PGAP1: variants seen among roughly 807,000 people sequenced by gnomAD.
PGAP1 encodes the protein GPI inositol-deacylase.
PGAP1 carries 76 observed loss-of-function variants against 127.0 expected under a neutral mutation model. That is an observed-to-expected ratio of 0.60 (90% CI 0.50 to 0.72). The LOEUF (loss-of-function observed/expected upper bound fraction) is 0.72, where lower values mean the gene tolerates loss of function less well. Ranked by LOEUF, PGAP1 falls within the 30% of genes least tolerant of loss-of-function variation. PGAP1 has a pLI of 0.00. For missense variants in PGAP1, 982 were observed against 1,071.3 expected (o/e 0.92, Z 1.16); for synonymous variants, 362 against 366.5 (o/e 0.99, Z 0.14).
At chr2:196,855,597 T>C (rs1226594448) in intron 20 of PGAP1, among the ~76,000 whole-genome samples, 1 of 152,180 alleles carries the variant, frequency 6.6e-6, no homozygotes, top group Non-Finnish European at 1.5e-5. Context: ...AAATGTTGGT[T>C]CTTCACTTAA....
chr2:196,899,861 G>T (rs761547368), intron 5 of PGAP1, among the ~76,000 whole-genome samples: 3 of 152,004 alleles, frequency 2.0e-5, no homozygotes, highest in African/African-American at 7.2e-5. Flanking sequence ...TGGTGAAACC[G>T]CATCTCTACT....
chr2:196,905,215 A>G (rs1431542498), intron 4 of PGAP1, among the ~76,000 whole-genome samples: 1 of 152,160 alleles, frequency 6.6e-6, no homozygotes, highest in African/African-American at 2.4e-5. Context: ...TTTAATCTAT[A>G]CGGGTCATCT....
At position 196,845,937 on chromosome 2, in the gene PGAP1, CAACT is replaced by C; in HGVS notation, c.2227_2230del (p.Ser743GlyfsTer7). The C allele has an allele frequency of 1.2e-6, 2 of 1,608,348 alleles. No individual in the cohort carries two copies. Among genetic ancestry groups the C allele is most frequent in the South Asian group, 1.1e-5 (1 of 90,024 alleles). ...TATGGCTAGTGCTCCACAAGTTGTCCAACTAACTATGATCAAGACAATTGTCAAA... is the reference window on the plus strand; with the variant it reads ...TATGGCTAGTGCTCCACAAGTTGTCCAACTATGATCAAGACAATTGTCAAA... On this transcript the variant is annotated frameshift_variant, in exon 23 of 27. Transcript: ENST00000354764. LOFTEE classifies it high-confidence loss of function.
At position 196,898,021 on chromosome 2, in the gene PGAP1, C is replaced by T. The variant is rs191353713; in HGVS notation, c.860+296G>A. 4.6e-4 allele frequency among the ~76,000 whole-genome samples: 70 copies of T among 152,238 alleles called. 1 individual carries two copies. Among genetic ancestry groups the T allele is most frequent in the Non-Finnish European group, 7.9e-4 (54 of 68,014 alleles). On this transcript the variant is annotated intron_variant, in intron 6 of 26. Transcript: ENST00000354764. Reference sequence around the variant, plus strand: ...TCACCTGAGGTCAGGAGTTTGAGACCGGCCTGGCCAGCATGGTGAAACCTC... The same window carrying T: ...TCACCTGAGGTCAGGAGTTTGAGACTGGCCTGGCCAGCATGGTGAAACCTC...
At chr2:196,850,122 CT>C (rs1700674723) in intron 20 of PGAP1, among the ~76,000 whole-genome samples, 2 of 152,202 alleles carry the variant, frequency 1.3e-5, no homozygotes, top group Admixed American at 1.3e-4. Context: ...GCACCCAAGG[CT>C]ACAGCTCCAG....
intron 16 of PGAP1, among the ~76,000 whole-genome samples, chr2:196,873,308 A>T (rs907006938): frequency 6.6e-6 from 1 of 152,110 alleles, no homozygotes; most frequent in Non-Finnish European, 1.5e-5. Context: ...TGGCATTTTT[A>T]AAATGTGGAT....
intron 19 of PGAP1, among the ~76,000 whole-genome samples, chr2:196,866,866 A>G (rs1701259481): frequency 2.6e-5 from 4 of 152,262 alleles, no homozygotes; most frequent in Admixed American, 2.6e-4. Flanking sequence ...AACATATGAA[A>G]AAAATCATCG....
In PGAP1 at chr2:196,872,982, C is replaced by G; in HGVS notation, c.1597G>C (p.Glu533Gln). 1 of 1,076,884 alleles carries G rather than the reference C, an allele frequency of 9.3e-7. No individual in the cohort carries two copies. The highest frequency in any genetic ancestry group is 1.6e-5 in the African/African-American group (1 of 60,808). The allele number at this position is 1,076,884 out of a possible 1,614,324, so 66.7% of individuals were successfully genotyped here. ...IYRLHIPWSYEDSLTIAQAPS... is the reference protein window; with the variant it reads ...IYRLHIPWSYQDSLTIAQAPS... ...TACTGTGCAATGGTTAGTGAATCTT[C>G]ATAAGACCAAGGAATATGAAGTCTA... Residue 533 changes from glutamate to glutamine, a missense_variant, in exon 17 of 27, where the codon GAA (glutamate) becomes CAA (glutamine). Physicochemically the swap from Glu to Gln is conservative, Grantham distance 29 (BLOSUM62 2). Coordinates refer to ENST00000354764, the MANE Select transcript of PGAP1 (RefSeq NM_024989.4).
intron 4 of PGAP1, among the ~76,000 whole-genome samples, chr2:196,912,272 A>C (rs1702848260): frequency 6.6e-6 from 1 of 152,212 alleles, no homozygotes; most frequent in African/African-American, 2.4e-5. Context: ...TTTTGGATAC[A>C]GTCCTAAAAC....
intron 7 of PGAP1, among the ~76,000 whole-genome samples, chr2:196,896,162 T>C (rs1702260690): frequency 6.6e-6 from 1 of 152,226 alleles, no homozygotes; most frequent in African/African-American, 2.4e-5. Flanking sequence ...GATACTATGA[T>C]TTCCATATGT....
At chr2:196,873,058 C>T in intron 16 of PGAP1, 32 bp from the exon 17 acceptor site, 2 of 655,388 alleles carry the variant, frequency 3.1e-6, no homozygotes, top group Admixed American at 5.6e-5. Context: ...GTATTATTAA[C>T]AACATGTTAC....
chr2:196,850,231 C>T (rs1039309355), intron 20 of PGAP1, among the ~76,000 whole-genome samples: 2 of 152,278 alleles, frequency 1.3e-5, no homozygotes, highest in Non-Finnish European at 2.9e-5. Context: ...AGCATCTTAT[C>T]ATTTCTTGTT....
chr2:196,850,963 A>T (rs116497859), intron 20 of PGAP1, among the ~76,000 whole-genome samples: 1 of 152,276 alleles, frequency 6.6e-6, no homozygotes, highest in African/African-American at 2.4e-5. Flanking sequence ...AAAATAGAAA[A>T]ACATGTTCAA....
intron 20 of PGAP1, among the ~76,000 whole-genome samples, chr2:196,856,071 C>T (rs988242778): frequency 4.6e-5 from 7 of 152,114 alleles, no homozygotes; most frequent in East Asian, 1.9e-4. Context: ...TGGAGTGCAG[C>T]GGCATGATCT....
chr2:196,842,678 G>T, intron 26 of PGAP1, 43 bp downstream of exon 26: 1 of 1,026,610 alleles, frequency 9.7e-7, no homozygotes, highest in Non-Finnish European at 1.4e-6. Context: ...GGGGAAAAAG[G>T]CCAAGAACAG....
Position 196,912,862 on chromosome 2 carries a change from G to A in PGAP1, c.649+20C>T. 6.4e-7 allele frequency: 1 copy of A among 1,558,340 alleles called. No individual in the cohort carries two copies. Among genetic ancestry groups the A allele is most frequent in the Non-Finnish European group, 8.7e-7 (1 of 1,149,288 alleles). ...CTTAAATAACAATGGGGAGGTTAAT[G>A]TTCATGTAACAGTACTCACCTGTAA... On this transcript the variant is annotated intron_variant, in intron 4 of 26. Coordinates refer to ENST00000354764, the MANE Select transcript of PGAP1 (RefSeq NM_024989.4).
intron 1 of PGAP1, chr2:196,922,221 C>T: frequency 3.1e-6 from 4 of 1,277,948 alleles, no homozygotes; most frequent in Non-Finnish European, 4.1e-6. Context: ...TTCTAATAAA[C>T]TCCCAGGTAA....
chr2:196,862,516 C>T (rs1480919287), intron 20 of PGAP1, among the ~76,000 whole-genome samples: 3 of 152,042 alleles, frequency 2.0e-5, no homozygotes, highest in East Asian at 1.9e-4. Flanking sequence ...TCTTTGTGAC[C>T]GACACCCTAT....
chr2:196,842,828 A>G lies in PGAP1; in HGVS notation c.2526-3T>C. ...CAGGATTAAGTTTAAAATAATACCT[A>G]TAATATTAAAAAAAGAAACCCACAA... On this transcript the variant is annotated splice_region_variant and splice_polypyrimidine_tract_variant and intron_variant, in intron 25 of 26. Coordinates refer to ENST00000354764, the MANE Select transcript of PGAP1 (RefSeq NM_024989.4). 7.2e-7 allele frequency: 1 copy of G among 1,389,886 alleles called. No homozygotes were observed. The highest frequency in any genetic ancestry group is 1.5e-5 in the African/African-American group (1 of 68,224). The allele number at this position is 1,389,886 out of a possible 1,614,324, so 86.1% of individuals were successfully genotyped here.
Sources: allele counts gnomAD v4.1 joint callset (sites outside exome capture counted in the v4.1 genomes callset), GRCh38; gene constraint gnomAD v4.1.1; transcripts MANE v1.5; gene names NCBI Gene and HGNC (gene_info 2026-07-23, HGNC 2026-07-21).